DIS3L2: variants seen among roughly 807,000 people sequenced by gnomAD.
DIS3L2 encodes DIS3 like 3'-5' exoribonuclease 2.
Under a neutral mutation model 97.5 loss-of-function variants are expected in DIS3L2, and 34 were observed. That is an observed-to-expected ratio of 0.35 (90% CI 0.27 to 0.46). DIS3L2 has a LOEUF of 0.46. DIS3L2 is among the 20% of genes least tolerant of loss of function. The probability of loss-of-function intolerance (pLI) is 1.00; values close to 1 mark genes in which losing one functional copy is unlikely to be tolerated. For missense variants in DIS3L2, 1,038 were observed against 1,146.0 expected, an observed-to-expected ratio of 0.91 and a Z score of 1.36; for synonymous variants, 435 against 445.2, an observed-to-expected ratio of 0.98 and a Z score of 0.29.
intron 8 of DIS3L2, among the ~76,000 whole-genome samples, chr2:232,138,839 C>T (rs1182833666): frequency 6.6e-6 from 1 of 152,156 alleles, no homozygotes; most frequent in Admixed American, 6.6e-5. Context: ...ATACCTCTCT[C>T]CTTAAAAGTA....
At chr2:232,034,214 A>C (rs1322534109) in intron 5 of DIS3L2, among the ~76,000 whole-genome samples, 2 of 152,122 alleles carry the variant, frequency 1.3e-5, no homozygotes, top group African/African-American at 2.4e-5. Flanking sequence ...GTTTGGGAAG[A>C]ATTTACCCAT....
At chr2:232,102,031 T>A (rs1574876612) in intron 6 of DIS3L2, among the ~76,000 whole-genome samples, 2 of 152,358 alleles carry the variant, frequency 1.3e-5, no homozygotes, top group East Asian at 3.9e-4. Flanking sequence ...GTCACCAGTT[T>A]AACCAACTGA....
intron 5 of DIS3L2, among the ~76,000 whole-genome samples, chr2:232,079,057 C>T (rs1360439881): frequency 6.6e-6 from 1 of 152,182 alleles, no homozygotes; most frequent in African/African-American, 2.4e-5. Flanking sequence ...CAGGCCTAGC[C>T]ATGGGCACTT....
At chr2:232,029,019 T>C (rs1195548293) in intron 4 of DIS3L2, among the ~76,000 whole-genome samples, 2 of 152,164 alleles carry the variant, frequency 1.3e-5, no homozygotes, top group African/African-American at 4.8e-5. Flanking sequence ...TTTGGTGATT[T>C]TGGGATGCTA....
At chr2:232,283,175 C>T (rs1474071297) in intron 13 of DIS3L2, among the ~76,000 whole-genome samples, 1 of 152,232 alleles carries the variant, frequency 6.6e-6, no homozygotes, top group Non-Finnish European at 1.5e-5. Flanking sequence ...AAGCCTTTTA[C>T]CCTTGTTTAG....
chr2:232,077,093 C>T (rs1696213433), intron 5 of DIS3L2, among the ~76,000 whole-genome samples: 1 of 152,162 alleles, frequency 6.6e-6, no homozygotes, highest in Non-Finnish European at 1.5e-5. Flanking sequence ...TGGAGAGCCT[C>T]TCATAGCTGC....
At chr2:232,164,844 G>A (rs1035608142) in intron 9 of DIS3L2, among the ~76,000 whole-genome samples, 6 of 152,028 alleles carry the variant, frequency 3.9e-5, no homozygotes, top group African/African-American at 1.5e-4. Context: ...CGAGGTCTTG[G>A]GCCCATAACA....
chr2:232,172,826 G>T (rs955147655), intron 9 of DIS3L2: 1 of 520,922 alleles, frequency 1.9e-6, no homozygotes, highest in African/African-American at 1.9e-5. Context: ...TAGGTGTGGG[G>T]TAGTATCTCA....
At chr2:232,050,653 T>G (rs1695376265) in intron 5 of DIS3L2, among the ~76,000 whole-genome samples, 1 of 152,244 alleles carries the variant, frequency 6.6e-6, no homozygotes. Flanking sequence ...GATCTTTATG[T>G]AGTTTCCTAG....
At chr2:232,148,989 C>T (rs2106366002) in intron 8 of DIS3L2, among the ~76,000 whole-genome samples, 1 of 148,234 alleles carries the variant, frequency 6.7e-6, no homozygotes, top group South Asian at 2.1e-4. Flanking sequence ...TAAAACTTCT[C>T]CCCAGAAAAA....
intron 14 of DIS3L2, among the ~76,000 whole-genome samples, chr2:232,314,579 A>C (rs1468453567): frequency 6.6e-6 from 1 of 152,220 alleles, no homozygotes; most frequent in Non-Finnish European, 1.5e-5. Context: ...CTAGAACACC[A>C]GGAACTCTCA....
chr2:232,039,678 C>T (rs1415843274), intron 5 of DIS3L2, among the ~76,000 whole-genome samples: 2 of 152,046 alleles, frequency 1.3e-5, no homozygotes, highest in Non-Finnish European at 2.9e-5. Context: ...TTACAGACAT[C>T]TAATGAAAGA....
intron 11 of DIS3L2, among the ~76,000 whole-genome samples, chr2:232,247,616 C>T (rs867434231): frequency 7.7e-4 from 5 of 6,518 alleles, no homozygotes; most frequent in African/African-American, 1.2e-3. Context: ...ATAACTGCCG[C>T]GGGGGGGGGG....
In DIS3L2 at chr2:232,335,673, G is replaced by A. The variant is rs571465898; in HGVS notation, c.2395-100G>A. ...AGCCAGGCAAGGGTGGGCCAGGGCC[G>A]AGGGCTGAGGGCCGCCTCCAAGCAT... On this transcript the variant is annotated intron_variant, in intron 19 of 20. Transcript: ENST00000325385. The A allele has an allele frequency of 3.2e-4, 436 of 1,364,860 alleles. 1 individual carries two copies. Among genetic ancestry groups the A allele is most frequent in the East Asian group, 2.4e-3 (95 of 39,846 alleles). The allele number at this position is 1,364,860 out of a possible 1,614,324, so 84.5% of individuals were successfully genotyped here.
chr2:232,102,251 T>C lies in DIS3L2; in HGVS notation c.601+14530T>C, dbSNP rs571295925. ...GGAGAAATAATAAGATTAAATCCAATGCCATGAAAAGCAAGGGGAGTTGTT... is the reference window on the plus strand; with the variant it reads ...GGAGAAATAATAAGATTAAATCCAACGCCATGAAAAGCAAGGGGAGTTGTT... On this transcript the variant is annotated intron_variant, in intron 6 of 20. Coordinates refer to ENST00000325385, the MANE Select transcript of DIS3L2 (RefSeq NM_152383.5). 4.6e-5 allele frequency among the ~76,000 whole-genome samples: 7 copies of C among 152,172 alleles called. 1 individual carries two copies. The South Asian group carries it at 1.5e-3, about 32-fold the overall frequency.
At chr2:232,287,818 T>C (rs1193174915) in intron 13 of DIS3L2, among the ~76,000 whole-genome samples, 2 of 152,210 alleles carry the variant, frequency 1.3e-5, no homozygotes, top group African/African-American at 4.8e-5. Flanking sequence ...TTCTTTAGTT[T>C]TTACCACAGT....
At position 232,273,502 on chromosome 2, in the gene DIS3L2, C is replaced by T. The variant is rs142871557; in HGVS notation, c.1659+10062C>T. Among the ~76,000 whole-genome samples the T allele has an allele frequency of 6.6e-5, 10 of 152,232 alleles. No homozygotes were observed. The East Asian group carries it at 1.9e-3, about 29-fold the overall frequency. ...ATTAGATACATATTATGAGCCAGGG[C>T]GGTTTTCTTTCCTTGTGAATGAAAG... On this transcript the variant is annotated intron_variant, in intron 13 of 20. Coordinates refer to ENST00000325385, the MANE Select transcript of DIS3L2 (RefSeq NM_152383.5).
chr2:232,172,775 C>T, intron 9 of DIS3L2: 1 of 534,174 alleles, frequency 1.9e-6, no homozygotes, highest in Non-Finnish European at 3.8e-6. Flanking sequence ...GCTCCATATC[C>T]TAACACTTGT....
In DIS3L2 at chr2:232,337,130, G is replaced by A; in HGVS notation, c.*500G>A. The A allele has an allele frequency of 9.9e-7, 1 of 1,008,782 alleles. No homozygotes were observed. Among genetic ancestry groups the A allele is most frequent in the Non-Finnish European group, 1.2e-6 (1 of 846,436 alleles). 62.5% of individuals were successfully genotyped at this position (1,008,782 alleles called of 1,614,324 possible). ...GTTCCAACACGATTCAGAGCTGGCT[G>A]CCTGGCAGATGATTGATACTGGAGT... is the stretch of plus-strand genomic sequence containing the variant. On this transcript the variant is annotated 3_prime_UTR_variant, in exon 21 of 21. Coordinates refer to ENST00000325385, the MANE Select transcript of DIS3L2 (RefSeq NM_152383.5).
Sources: allele counts gnomAD v4.1 joint callset (sites outside exome capture counted in the v4.1 genomes callset), GRCh38; gene constraint gnomAD v4.1.1; transcripts MANE v1.5; gene names NCBI Gene and HGNC (gene_info 2026-07-23, HGNC 2026-07-21).